The following KCNH1 variants were observed in gnomAD, a reference collection of about 807,000 sequenced individuals.
The protein encoded by KCNH1 is voltage-gated delayed rectifier potassium channel KCNH1.
Under a neutral mutation model 69.2 loss-of-function variants are expected in KCNH1, and 27 were observed. That is an observed-to-expected ratio of 0.39 (90% confidence interval 0.29 to 0.54). The LOEUF is 0.54. Among genes scored for constraint, KCNH1 ranks in the 20% least tolerant of loss-of-function variants. KCNH1 has a pLI of 0.68. For missense variants in KCNH1, 798 were observed against 1,261.6 expected (o/e 0.63, Z 5.57); for synonymous variants, 456 against 487.7 (o/e 0.93, Z 0.86).
intron 3 of KCNH1, among the ~76,000 whole-genome samples, chr1:211,099,778 G>T (rs932679782): frequency 5.3e-5 from 8 of 152,160 alleles, no homozygotes; most frequent in Non-Finnish European, 1.2e-4. Context: ...GTTCCTGACT[G>T]GAACGCAGGG....
At chr1:211,029,646 G>T (rs1045093404) in intron 5 of KCNH1, among the ~76,000 whole-genome samples, 3 of 152,002 alleles carry the variant, frequency 2.0e-5, no homozygotes, top group Admixed American at 2.0e-4. Context: ...CAAGGAACAA[G>T]GCAAAATATC....
chr1:211,021,274 C>A (rs1303485458), intron 5 of KCNH1, among the ~76,000 whole-genome samples: 1 of 151,904 alleles, frequency 6.6e-6, no homozygotes, highest in Non-Finnish European at 1.5e-5. Context: ...TTCATATAAC[C>A]AAACACCCAC....
chr1:210,778,187 G>T (rs1218541163), intron 9 of KCNH1, among the ~76,000 whole-genome samples: 1 of 152,218 alleles, frequency 6.6e-6, no homozygotes, highest in Non-Finnish European at 1.5e-5. Flanking sequence ...TGTGGGAAGT[G>T]CAAGTGAGAA....
At chr1:210,780,854 T>C (rs932907820) in intron 9 of KCNH1, among the ~76,000 whole-genome samples, 3 of 152,146 alleles carry the variant, frequency 2.0e-5, no homozygotes, top group Non-Finnish European at 2.9e-5. Context: ...GAGACCATCC[T>C]GGCTAACACG....
intron 5 of KCNH1, among the ~76,000 whole-genome samples, chr1:211,052,428 T>C (rs1690224980): frequency 6.6e-6 from 1 of 152,218 alleles, no homozygotes; most frequent in African/African-American, 2.4e-5. Context: ...AAAGACTCTT[T>C]ATGAGAGGCA....
intron 10 of KCNH1, among the ~76,000 whole-genome samples, chr1:210,758,537 C>T (rs999057358): frequency 6.6e-6 from 1 of 152,128 alleles, no homozygotes; most frequent in African/African-American, 2.4e-5. Flanking sequence ...GGTGGAACCC[C>T]CTCCCCTGGA....
chr1:210,967,505 C>G (rs1248179800), intron 6 of KCNH1, among the ~76,000 whole-genome samples: 1 of 152,048 alleles, frequency 6.6e-6, no homozygotes, highest in Non-Finnish European at 1.5e-5. Flanking sequence ...AAAAAAATCA[C>G]TTTATCTCTA....
intron 10 of KCNH1, among the ~76,000 whole-genome samples, chr1:210,756,014 G>A (rs754625018): frequency 5.3e-5 from 8 of 152,174 alleles, no homozygotes; most frequent in Non-Finnish European, 7.3e-5. Flanking sequence ...GGTTGCCAGC[G>A]TACTGCATGG....
At chr1:211,091,433 G>A (rs1311810960) in intron 3 of KCNH1, among the ~76,000 whole-genome samples, 4 of 152,040 alleles carry the variant, frequency 2.6e-5, no homozygotes, top group Non-Finnish European at 5.9e-5. Flanking sequence ...TCCCACAAGT[G>A]CTGGGATTAC....
At chr1:210,924,892 T>C (rs1334949055) in intron 6 of KCNH1, among the ~76,000 whole-genome samples, 3 of 150,254 alleles carry the variant, frequency 2.0e-5, no homozygotes, top group Non-Finnish European at 4.4e-5. Flanking sequence ...ACCAATGACA[T>C]TGACTATAGC....
intron 10 of KCNH1, among the ~76,000 whole-genome samples, chr1:210,763,578 C>G (rs554056461): frequency 4.6e-5 from 7 of 152,170 alleles, no homozygotes; most frequent in African/African-American, 1.7e-4. Context: ...AATATGCAAA[C>G]TGAGAGCCAA....
chr1:210,798,319 G>A (rs570834820), intron 8 of KCNH1, among the ~76,000 whole-genome samples: 4 of 152,248 alleles, frequency 2.6e-5, no homozygotes, highest in East Asian at 1.9e-4. Flanking sequence ...GATTACAGGC[G>A]TGAGCCACCA....
intron 1 of KCNH1, among the ~76,000 whole-genome samples, chr1:211,111,452 G>A (rs1376541627): frequency 6.6e-6 from 1 of 150,548 alleles, no homozygotes; most frequent in East Asian, 2.0e-4. Flanking sequence ...TGGGAAGTGA[G>A]GAGCCCCTCT....
rs1553380350 is a variant in KCNH1 at position 211,107,395 on chromosome 1, A to AAC, written c.80-19_80-18insGT. ...ATTAGTATCTGTTAAAAAAAAAAAA[A>AAC]AGGGAAAAAAGGGCACATGAGGCAA... On this transcript the variant is annotated intron_variant, in intron 1 of 10. Transcript: ENST00000271751. 4,938 of 1,489,936 alleles carry AAC rather than the reference A, an allele frequency of 3.3e-3. 9 individuals are homozygous for AAC. The highest frequency in any genetic ancestry group is 6.2e-3 in the South Asian group (522 of 84,008). The allele number at this position is 1,489,936 out of a possible 1,614,324, so 92.3% of individuals were successfully genotyped here.
chr1:210,762,906 CAA>C (rs1683550297), intron 10 of KCNH1, among the ~76,000 whole-genome samples: 1 of 151,942 alleles, frequency 6.6e-6, no homozygotes, highest in Non-Finnish European at 1.5e-5. Flanking sequence ...CAAAATCTGG[CAA>C]AGACACAACA....
chr1:210,848,075 G>T (rs1685599883), intron 7 of KCNH1, among the ~76,000 whole-genome samples: 1 of 152,164 alleles, frequency 6.6e-6, no homozygotes, highest in Non-Finnish European at 1.5e-5. Flanking sequence ...TGTGAAACAA[G>T]ACTGTCAAAG....
chr1:210,897,217 GA>G (rs1475536113), intron 7 of KCNH1, among the ~76,000 whole-genome samples: 1 of 152,216 alleles, frequency 6.6e-6, no homozygotes, highest in Non-Finnish European at 1.5e-5. Flanking sequence ...GGACCATTAT[GA>G]AAAGAAGGTT....
intron 6 of KCNH1, among the ~76,000 whole-genome samples, chr1:210,989,635 A>T (rs1688904119): frequency 6.6e-6 from 1 of 152,190 alleles, no homozygotes; most frequent in African/African-American, 2.4e-5. Context: ...AAAGCTGCCA[A>T]GCAGTTATAA....
Position 210,911,162 on chromosome 1 carries a change from T to C in KCNH1, c.1462+8478A>G, listed in dbSNP as rs191428685. ...TGAAGTCTGGTTGTGAAGACATCAG[T>C]ACACAGATGCACTATGATAAATCTC... On this transcript the variant is annotated intron_variant, in intron 7 of 10. Coordinates refer to ENST00000271751, the MANE Select transcript of KCNH1 (RefSeq NM_172362.3). Among the ~76,000 whole-genome samples, 607 of 152,258 alleles carry C rather than the reference T, an allele frequency of 4.0e-3. 4 individuals are homozygous for C. The highest frequency in any genetic ancestry group is 0.014 in the African/African-American group (582 of 41,542).
Sources: allele counts gnomAD v4.1 joint callset (sites outside exome capture counted in the v4.1 genomes callset), GRCh38; gene constraint gnomAD v4.1.1; transcripts MANE v1.5; gene names NCBI Gene and HGNC (gene_info 2026-07-23, HGNC 2026-07-21).